CRACDL: variants seen among roughly 807,000 people sequenced by gnomAD.
CRACDL encodes CRACD like.
CRACDL carries 26 observed loss-of-function variants against 70.6 expected under a neutral mutation model. The ratio of observed to expected loss-of-function variants is 0.37; its 90% CI spans 0.27 to 0.51. The LOEUF (loss-of-function observed/expected upper bound fraction) is 0.51. Ranked by LOEUF, CRACDL falls within the 20% of genes least tolerant of loss-of-function variation. The pLI is 0.94. For synonymous variants in CRACDL, 618 were observed against 615.2 expected, an observed-to-expected ratio of 1.00 and a Z score of -0.07; for missense variants, 1,283 against 1,376.9, an observed-to-expected ratio of 0.93 and a Z score of 1.08.
chr2:98,891,381 A>AAAAAAAAAAAAAAAAAAAG (rs1707976149), intron 1 of CRACDL, among the ~76,000 whole-genome samples: 1 of 116,670 alleles, frequency 8.6e-6, no homozygotes, highest in African/African-American at 3.2e-5. Flanking sequence ...CGTCTCAAAA[A>AAAAAAAAAAAAAAAAAAAG]AAAAAAAAAA....
chr2:98,896,121 T>A (rs914926192), intron 1 of CRACDL, among the ~76,000 whole-genome samples: 1 of 151,968 alleles, frequency 6.6e-6, no homozygotes, highest in Non-Finnish European at 1.5e-5. Flanking sequence ...GGCTGGCTGG[T>A]GGCATGGGAC....
intron 2 of CRACDL, 130 bp from the exon 3 acceptor site, chr2:98,838,417 A>T (rs188906914): frequency 2.9e-4 from 158 of 544,662 alleles, no homozygotes; most frequent in African/African-American, 2.8e-3. Flanking sequence ...GCTTCTGAAA[A>T]GTCCTTTTAC....
chr2:98,879,766 G>A (rs919014538), intron 1 of CRACDL, among the ~76,000 whole-genome samples: 5 of 152,152 alleles, frequency 3.3e-5, no homozygotes, highest in Admixed American at 6.5e-5. Flanking sequence ...GGCTGGTCTC[G>A]AACTCCTGAG....
At chr2:98,904,789 T>C (rs1708363378) in intron 1 of CRACDL, among the ~76,000 whole-genome samples, 1 of 152,254 alleles carries the variant, frequency 6.6e-6, no homozygotes, top group African/African-American at 2.4e-5. Context: ...TACCTGCTGA[T>C]ATAGTTTGGA....
intron 1 of CRACDL, among the ~76,000 whole-genome samples, chr2:98,917,069 G>T (rs1708684677): frequency 6.6e-6 from 1 of 152,130 alleles, no homozygotes; most frequent in African/African-American, 2.4e-5. Context: ...TTCCCCATGG[G>T]CCTTCTTCTC....
intron 1 of CRACDL, among the ~76,000 whole-genome samples, chr2:98,929,849 G>C (rs1466068066): frequency 6.6e-6 from 1 of 152,154 alleles, no homozygotes; most frequent in Non-Finnish European, 1.5e-5. Flanking sequence ...ATATCAAACA[G>C]AGGAGGAGAT....
At chr2:98,922,065 TTTC>T (rs1052203369) in intron 1 of CRACDL, among the ~76,000 whole-genome samples, 16 of 152,338 alleles carry the variant, frequency 1.1e-4, no homozygotes, top group African/African-American at 3.8e-4. Flanking sequence ...AGTTCGTGTT[TTTC>T]TTCTTTTTTG....
At chr2:98,869,293 G>C in intron 1 of CRACDL, 1 of 1,223,398 alleles carries the variant, frequency 8.2e-7, no homozygotes, top group Non-Finnish European at 1.1e-6. Flanking sequence ...GGAGGAAGTG[G>C]GGCTTCTGCC....
intron 3 of CRACDL, among the ~76,000 whole-genome samples, chr2:98,833,696 C>G (rs1197839274): frequency 6.6e-6 from 1 of 152,180 alleles, no homozygotes; most frequent in African/African-American, 2.4e-5. Context: ...CACAAAATGT[C>G]CTAAAAGGAT....
At chr2:98,802,830 C>A (rs1163033773) in intron 7 of CRACDL, among the ~76,000 whole-genome samples, 1 of 152,158 alleles carries the variant, frequency 6.6e-6, no homozygotes, top group Non-Finnish European at 1.5e-5. Context: ...TGTAAATTCC[C>A]AGGTTGCTTG....
At chr2:98,829,327 C>T (rs796540625) in intron 5 of CRACDL, among the ~76,000 whole-genome samples, 15 of 152,376 alleles carry the variant, frequency 9.8e-5, no homozygotes, top group African/African-American at 3.6e-4. Context: ...GGTACAAGCT[C>T]TCCCTAACTA....
At chr2:98,918,964 G>A (rs1188374060) in intron 1 of CRACDL, among the ~76,000 whole-genome samples, 1 of 152,008 alleles carries the variant, frequency 6.6e-6, no homozygotes, top group African/African-American at 2.4e-5. Flanking sequence ...TTTTGTTTTT[G>A]TTGGATGTAC....
intron 1 of CRACDL, among the ~76,000 whole-genome samples, chr2:98,906,272 T>G (rs1708412646): frequency 6.6e-6 from 1 of 151,246 alleles, no homozygotes; most frequent in Admixed American, 6.6e-5. Context: ...TTTTTTTTTT[T>G]TTTTGTTTGA....
chr2:98,862,620 GT>G (rs746300464), intron 1 of CRACDL, among the ~76,000 whole-genome samples: 1 of 152,134 alleles, frequency 6.6e-6, no homozygotes, highest in Non-Finnish European at 1.5e-5. Flanking sequence ...AATCTGGGAG[GT>G]GAAAAGAACA....
At chr2:98,910,068 G>A (rs1392461143) in intron 1 of CRACDL, among the ~76,000 whole-genome samples, 3 of 152,076 alleles carry the variant, frequency 2.0e-5, no homozygotes, top group African/African-American at 4.8e-5. Context: ...TTCCCACCTC[G>A]GAAGGATGGC....
intron 7 of CRACDL, among the ~76,000 whole-genome samples, chr2:98,818,537 T>G (rs1268918941): frequency 6.6e-6 from 1 of 152,184 alleles, no homozygotes; most frequent in Non-Finnish European, 1.5e-5. Context: ...TGGCAGACTA[T>G]CTGGGAGCTC....
At chr2:98,880,997 C>A (rs942832655) in intron 1 of CRACDL, among the ~76,000 whole-genome samples, 2 of 152,218 alleles carry the variant, frequency 1.3e-5, no homozygotes, top group African/African-American at 4.8e-5. Context: ...GGCCTCACCC[C>A]TTCCACTCTC....
At position 98,823,619 on chromosome 2, in the gene CRACDL, A is replaced by T; in HGVS notation, c.736-82T>A. 6.7e-7 allele frequency: 1 copy of T among 1,502,332 alleles called. No individual in the cohort carries two copies. Among genetic ancestry groups the T allele is most frequent in the East Asian group, 2.5e-5 (1 of 40,738 alleles). 93.1% of individuals were successfully genotyped at this position (1,502,332 alleles called of 1,614,324 possible). A position where few individuals can be genotyped will look rare whatever the true frequency, so the allele number is the denominator to read the frequency against. ...CACCTCCCCACTTTTTTCAAGGCTT[A>T]TAATGGTTTAGTGATAGCAGCACTA... On this transcript the variant is annotated intron_variant, in intron 6 of 9. Coordinates refer to ENST00000397899, the MANE Select transcript of CRACDL (RefSeq NM_207362.3). This position sits in a 1 kb window ranked among gnomAD's most constrained non-coding sequence, Gnocchi z 4.0.
chr2:98,925,419 T>C (rs2104699919), intron 1 of CRACDL, among the ~76,000 whole-genome samples: 1 of 152,350 alleles, frequency 6.6e-6, no homozygotes, highest in South Asian at 2.1e-4. Context: ...TTCAAATCCC[T>C]GCATAACTTG....
Sources: gnomAD v4.1 joint callset for allele counts (sites outside exome capture counted in the v4.1 genomes callset) on GRCh38, gnomAD v4.1.1 for gene constraint, Gnocchi (gnomAD v3.1) non-coding constraint, MANE v1.5 for transcripts, NCBI Gene and HGNC (gene_info 2026-07-23, HGNC 2026-07-21) for gene names.